The following GRID2 variants were observed in gnomAD, a reference collection of about 807,000 sequenced individuals.
GRID2 encodes the protein glutamate receptor ionotropic, delta-2.
Under a neutral mutation model 114.8 loss-of-function variants are expected in GRID2, and 33 were observed. The observed-to-expected ratio is 0.29, with a 90% CI of 0.22 to 0.38. The LOEUF is 0.38. GRID2 is among the 10% of genes least tolerant of loss of function. The probability of loss-of-function intolerance (pLI) is 1.00; values close to 1 mark genes in which losing one functional copy is unlikely to be tolerated. For synonymous variants in GRID2, 505 were observed against 449.9 expected (o/e 1.12, Z -1.55); for missense variants, 1,184 against 1,257.7 (o/e 0.94, Z 0.89).
intron 13 of GRID2, among the ~76,000 whole-genome samples, chr4:93,620,123 A>C (rs1453548901): frequency 6.6e-6 from 1 of 152,232 alleles, no homozygotes; most frequent in Admixed American, 6.5e-5. Flanking sequence ...TAAAGAACAA[A>C]TAAATGTGTA....
chr4:92,908,336 C>T (rs1273459325), intron 2 of GRID2, among the ~76,000 whole-genome samples: 2 of 152,020 alleles, frequency 1.3e-5, no homozygotes, highest in Non-Finnish European at 1.5e-5. Flanking sequence ...ACTGAGTACA[C>T]ATTATGAGTA....
At chr4:92,335,314 C>A (rs1010471616) in intron 1 of GRID2, among the ~76,000 whole-genome samples, 29 of 151,976 alleles carry the variant, frequency 1.9e-4, no homozygotes, top group African/African-American at 7.0e-4. Context: ...CAGTGATTTA[C>A]TCAACATATC....
chr4:92,665,412 T>C (rs558652606), intron 2 of GRID2, among the ~76,000 whole-genome samples: 3 of 151,426 alleles, frequency 2.0e-5, no homozygotes, highest in East Asian at 3.9e-4. Context: ...TAATAATTTT[T>C]CCTAAAGCAT....
intron 8 of GRID2, among the ~76,000 whole-genome samples, chr4:93,286,775 A>G (rs1753217891): frequency 6.6e-6 from 1 of 151,146 alleles, no homozygotes; most frequent in Non-Finnish European, 1.5e-5. Flanking sequence ...TTATATATAT[A>G]TCATCATTAG....
intron 2 of GRID2, among the ~76,000 whole-genome samples, chr4:92,993,028 A>C (rs914073941): frequency 6.6e-6 from 1 of 152,134 alleles, no homozygotes; most frequent in African/African-American, 2.4e-5. Flanking sequence ...TAGATAAAAT[A>C]ATCAATATGC....
intron 2 of GRID2, among the ~76,000 whole-genome samples, chr4:93,060,506 G>A (rs995720345): frequency 2.6e-5 from 4 of 152,030 alleles, no homozygotes; most frequent in African/African-American, 7.2e-5. Flanking sequence ...ATCAGCTTCT[G>A]TAGGAAAACA....
chr4:93,509,351 C>T (rs1314694851), intron 12 of GRID2, among the ~76,000 whole-genome samples: 1 of 151,990 alleles, frequency 6.6e-6, no homozygotes, highest in Non-Finnish European at 1.5e-5. Flanking sequence ...TAAAGATCCA[C>T]AGGTAAGGAA....
intron 13 of GRID2, among the ~76,000 whole-genome samples, chr4:93,536,624 C>CA (rs966827026): frequency 6.8e-6 from 1 of 147,998 alleles, no homozygotes; most frequent in African/African-American, 2.5e-5. Flanking sequence ...TTGGTCTTGA[C>CA]AATGACTTGA....
At chr4:93,485,430 CTG>C (rs1178107064) in intron 11 of GRID2, among the ~76,000 whole-genome samples, 1 of 151,546 alleles carries the variant, frequency 6.6e-6, no homozygotes, top group Admixed American at 6.6e-5. Context: ...GCATTTTATG[CTG>C]TGTTTAATAA....
intron 14 of GRID2, among the ~76,000 whole-genome samples, chr4:93,753,730 T>A (rs1006607275): frequency 6.6e-5 from 10 of 152,208 alleles, no homozygotes; most frequent in Non-Finnish European, 1.3e-4. Flanking sequence ...ATTTTCTTAA[T>A]CCAGTCTATC....
intron 8 of GRID2, among the ~76,000 whole-genome samples, chr4:93,291,487 T>TA (rs1753755066): frequency 6.6e-6 from 1 of 152,156 alleles, no homozygotes; most frequent in African/African-American, 2.4e-5. Flanking sequence ...ACACTATATA[T>TA]TAATCCAATT....
intron 4 of GRID2, among the ~76,000 whole-genome samples, chr4:93,183,499 C>G (rs979737449): frequency 6.6e-6 from 1 of 152,142 alleles, no homozygotes; most frequent in African/African-American, 2.4e-5. Flanking sequence ...TAACAGCACT[C>G]AATAGAGGGT....
chr4:93,369,523 T>C (rs978236378), intron 8 of GRID2, among the ~76,000 whole-genome samples: 6 of 152,186 alleles, frequency 3.9e-5, no homozygotes, highest in Admixed American at 1.3e-4. Flanking sequence ...AGGGTCTTGC[T>C]CTGTTGTCAA....
intron 14 of GRID2, among the ~76,000 whole-genome samples, chr4:93,699,768 T>C (rs913159160): frequency 6.6e-6 from 1 of 152,168 alleles, no homozygotes; most frequent in African/African-American, 2.4e-5. Context: ...GATTTTTCTC[T>C]TTAAAATTGG....
At chr4:92,643,117 TA>T (rs1279843103) in intron 2 of GRID2, among the ~76,000 whole-genome samples, 3 of 151,810 alleles carry the variant, frequency 2.0e-5, no homozygotes, top group South Asian at 4.1e-4. Context: ...AGAATAGTTT[TA>T]TTTTTTTAAT....
At chr4:92,993,629 G>C (rs892798893) in intron 2 of GRID2, among the ~76,000 whole-genome samples, 1 of 152,148 alleles carries the variant, frequency 6.6e-6, no homozygotes, top group African/African-American at 2.4e-5. Context: ...ATTTGGAGAG[G>C]ATGGTTAGGT....
intron 1 of GRID2, among the ~76,000 whole-genome samples, chr4:92,538,776 T>A (rs1020113454): frequency 6.6e-6 from 1 of 152,162 alleles, no homozygotes; most frequent in African/African-American, 2.4e-5. Flanking sequence ...TAAGGTATTG[T>A]AATAATGGCA....
chr4:92,817,341 T>C (rs981848752), intron 2 of GRID2, among the ~76,000 whole-genome samples: 1 of 152,130 alleles, frequency 6.6e-6, no homozygotes, highest in Non-Finnish European at 1.5e-5. Context: ...ATTATTCCTC[T>C]CTACAAAACT....
chr4:92,470,362 T>A (rs1721975511), intron 1 of GRID2, among the ~76,000 whole-genome samples: 1 of 151,960 alleles, frequency 6.6e-6, no homozygotes, highest in African/African-American at 2.4e-5. Context: ...TTTTTTTAAT[T>A]TAATTTTAAC....
Sources: allele counts gnomAD v4.1 joint callset (sites outside exome capture counted in the v4.1 genomes callset), GRCh38; gene constraint gnomAD v4.1.1; transcripts MANE v1.5; gene names NCBI Gene and HGNC (gene_info 2026-07-23, HGNC 2026-07-21).